Variants in SYNE2 observed in about 807,000 individuals in gnomAD.
SYNE2 encodes spectrin repeat containing nuclear envelope protein 2, also known as nesprin-2.
SYNE2 carries 431 observed loss-of-function variants against 856.3 expected under a neutral mutation model. The ratio of observed to expected loss-of-function variants is 0.50; its 90% confidence interval spans 0.47 to 0.55. SYNE2 has a LOEUF of 0.55. Among genes scored for constraint, SYNE2 ranks in the 20% least tolerant of loss-of-function variants. The pLI is 0.00. For missense variants in SYNE2, 8,129 were observed against 8,023.2 expected (o/e 1.01, Z -0.50); for synonymous variants, 2,923 against 2,872.3 (o/e 1.02, Z -0.56).
intron 49 of SYNE2, among the ~76,000 whole-genome samples, chr14:64,059,180 G>T (rs1170561908): frequency 6.6e-6 from 1 of 152,208 alleles, no homozygotes; most frequent in East Asian, 1.9e-4. Flanking sequence ...TATTTAGTTT[G>T]TTTGGTGAAG....
At chr14:63,868,474 TAA>T (rs570492284) in intron 1 of SYNE2, among the ~76,000 whole-genome samples, 49 of 138,088 alleles carry the variant, frequency 3.5e-4, no homozygotes, top group Middle Eastern at 3.4e-3. Flanking sequence ...GACCCTGCCT[TAA>T]AAAAAAAAAA....
intron 96 of SYNE2, among the ~76,000 whole-genome samples, chr14:64,184,889 G>A (rs2098480892): frequency 6.6e-6 from 1 of 152,238 alleles, no homozygotes; most frequent in Admixed American, 6.5e-5. Context: ...TCATGCCAGT[G>A]TAGCTTTTAG....
At chr14:63,969,254 C>T (rs536070487) in intron 11 of SYNE2, among the ~76,000 whole-genome samples, 1 of 149,166 alleles carries the variant, frequency 6.7e-6, no homozygotes, top group South Asian at 2.1e-4. Flanking sequence ...ATTGCAAACT[C>T]TGACTCCTGA....
intron 8 of SYNE2, chr14:63,956,447 A>T (rs1440756608): frequency 4.4e-6 from 2 of 456,536 alleles, no homozygotes; most frequent in East Asian, 1.4e-4. Flanking sequence ...AAACTTCTGA[A>T]CATTTAGCAG....
chr14:63,999,169 G>A (rs2096735285), intron 27 of SYNE2, 129 bp downstream of exon 27: 2 of 931,836 alleles, frequency 2.1e-6, no homozygotes, highest in East Asian at 5.4e-5. Flanking sequence ...CTCTTTGCTG[G>A]ATTGCATTTC....
intron 74 of SYNE2, 70 bp downstream of exon 74, chr14:64,128,623 C>T (rs1595712292): frequency 2.2e-6 from 2 of 924,854 alleles, no homozygotes; most frequent in East Asian, 2.4e-5. Context: ...AGCCGTGCTT[C>T]TGAACTACTT....
At chr14:64,138,763 A>G (rs1424726085) in intron 79 of SYNE2, among the ~76,000 whole-genome samples, 1 of 152,214 alleles carries the variant, frequency 6.6e-6, no homozygotes, top group Non-Finnish European at 1.5e-5. Flanking sequence ...ACATTTAAAC[A>G]TCATTCTCAT....
At chr14:64,000,119 G>C (rs558264281) in intron 27 of SYNE2, among the ~76,000 whole-genome samples, 2 of 152,174 alleles carry the variant, frequency 1.3e-5, no homozygotes, top group Non-Finnish European at 2.9e-5. Context: ...TAGAATTATA[G>C]ATGTTAATTA....
chr14:64,127,928 CAA>C lies in SYNE2; in HGVS notation c.13918-518_13918-517del, dbSNP rs1315431534. Among the ~76,000 whole-genome samples, 3 of 151,984 alleles carry C rather than the reference CAA, an allele frequency of 2.0e-5. No individual in the cohort carries two copies. The South Asian group carries it at 6.2e-4, about 32-fold the overall frequency. On this transcript the variant is annotated intron_variant, in intron 73 of 115. Transcript: ENST00000555002. ...TTTTCACATACACACATTCAAGAAA[CAA>C]AAAAAGTGGTCAGGGATTCTGCAGG...
chr14:63,936,848 G>A (rs148962627), intron 2 of SYNE2, among the ~76,000 whole-genome samples: 216 of 152,334 alleles, frequency 1.4e-3, no homozygotes, highest in African/African-American at 5.0e-3. Flanking sequence ...TGGAGGTGAT[G>A]GTGACTTGGG....
rs192516231 is a variant in SYNE2, at chr14:63,927,500, A to C, written c.80-13114A>C. Among the ~76,000 whole-genome samples, 14 of 152,216 alleles carry C rather than the reference A, an allele frequency of 9.2e-5. No homozygotes were observed. The East Asian group carries it at 2.7e-3, about 29-fold the overall frequency. On this transcript the variant is annotated intron_variant, in intron 2 of 115. Coordinates refer to ENST00000555002, the MANE Select transcript of SYNE2 (RefSeq NM_182914.3). The stretch of plus-strand genomic sequence containing the variant: ...GAATTGTAGGTGCAGCTTCCCCCAT[A>C]CTATTCTCGTGATAATGAATAAGTC...
In SYNE2 at chr14:63,896,715, C is replaced by T. The variant is rs1047536145; in HGVS notation, c.-51-12383C>T. Reference sequence around the variant, plus strand: ...AGTTCTCCTGACTCTAAGTCTAGTGCTCTTTCAGCCATTTCCTCTCATTTC... The same window carrying T: ...AGTTCTCCTGACTCTAAGTCTAGTGTTCTTTCAGCCATTTCCTCTCATTTC... On this transcript the variant is annotated intron_variant, in intron 1 of 115. Coordinates refer to ENST00000555002, the MANE Select transcript of SYNE2 (RefSeq NM_182914.3). Among the ~76,000 whole-genome samples the T allele has an allele frequency of 2.9e-4, 44 of 152,290 alleles. 1 individual carries two copies. The highest frequency in any genetic ancestry group is 2.9e-3 in the Admixed American group (44 of 15,296).
chr14:64,073,459 G>A (rs1346005093), intron 52 of SYNE2, among the ~76,000 whole-genome samples: 2 of 152,310 alleles, frequency 1.3e-5, no homozygotes, highest in South Asian at 2.1e-4. Flanking sequence ...AGGAACTACA[G>A]CAGAGATCAA....
intron 1 of SYNE2, among the ~76,000 whole-genome samples, chr14:63,776,033 C>T (rs1428834093): frequency 6.6e-6 from 1 of 152,126 alleles, no homozygotes; most frequent in Non-Finnish European, 1.5e-5. Context: ...CATCTTAATT[C>T]ACTGGAGACT....
intron 99 of SYNE2, among the ~76,000 whole-genome samples, chr14:64,195,715 C>T (rs1375288291): frequency 6.6e-6 from 1 of 152,198 alleles, no homozygotes; most frequent in African/African-American, 2.4e-5. Flanking sequence ...CCTTTTTAAA[C>T]TGATAAAGCT....
At chr14:63,775,223 C>A (rs1422865158) in intron 1 of SYNE2, among the ~76,000 whole-genome samples, 1 of 152,032 alleles carries the variant, frequency 6.6e-6, no homozygotes, top group Non-Finnish European at 1.5e-5. Context: ...TGATCCACCA[C>A]CTCGGCCTCC....
At chr14:64,213,966 A>T (rs968184808) in intron 105 of SYNE2, among the ~76,000 whole-genome samples, 2 of 152,212 alleles carry the variant, frequency 1.3e-5, no homozygotes, top group African/African-American at 2.4e-5. Context: ...TTTCCTAAGA[A>T]AAAATAGCTG....
At chr14:64,146,008 T>C (rs546371210) in intron 83 of SYNE2, 60 bp from the exon 84 acceptor site, 1 of 1,239,306 alleles carries the variant, frequency 8.1e-7, no homozygotes, top group East Asian at 2.6e-5. Context: ...AATAACGTCA[T>C]GGCATTTACC....
At chr14:64,036,974 G>C (rs150773146) in intron 45 of SYNE2, among the ~76,000 whole-genome samples, 103 of 152,248 alleles carry the variant, frequency 6.8e-4, no homozygotes, top group African/African-American at 2.4e-3. Flanking sequence ...AAGGAACCTA[G>C]TTCCATGATA....
Sources: gnomAD v4.1 joint callset for allele counts (sites outside exome capture counted in the v4.1 genomes callset) on GRCh38, gnomAD v4.1.1 for gene constraint, MANE v1.5 for transcripts, NCBI Gene and HGNC (gene_info 2026-07-23, HGNC 2026-07-21) for gene names.